Variants in GRIA1 observed in about 807,000 individuals in gnomAD.
The protein encoded by GRIA1 is glutamate ionotropic receptor AMPA type subunit 1.
GRIA1 carries 31 observed loss-of-function variants against 99.2 expected under a neutral mutation model. That is an observed-to-expected ratio of 0.31 (90% confidence interval 0.23 to 0.42). GRIA1 has a LOEUF of 0.42. Among genes scored for constraint, GRIA1 ranks in the 10% least tolerant of loss-of-function variants. The pLI is 1.00. For missense variants in GRIA1, 782 were observed against 1,157.5 expected (o/e 0.68, Z 4.71); for synonymous variants, 438 against 432.4 (o/e 1.01, Z -0.16).
chr5:153,645,365 T>C (rs1443233035), intron 2 of GRIA1, among the ~76,000 whole-genome samples: 1 of 152,176 alleles, frequency 6.6e-6, no homozygotes, highest in Non-Finnish European at 1.5e-5. Flanking sequence ...GCCCATTTTC[T>C]CTAGGGACTA....
At chr5:153,798,422 A>C (rs760986432) in intron 14 of GRIA1, among the ~76,000 whole-genome samples, 2 of 152,228 alleles carry the variant, frequency 1.3e-5, no homozygotes, top group African/African-American at 2.4e-5. Flanking sequence ...TTACAGATTC[A>C]GCATGTGGAG....
rs560918623 is a variant in GRIA1 at position 153,812,408 on chromosome 5, T to A, written c.*1183T>A. The A allele has an allele frequency of 6.6e-6, 1 of 152,336 alleles. No homozygotes were observed. Among genetic ancestry groups the A allele is most frequent in the South Asian group, 2.1e-4 (1 of 4,822 alleles). The allele number at this position is 152,336 out of a possible 1,614,324, so 9.4% of individuals were successfully genotyped here. On this transcript the variant is annotated 3_prime_UTR_variant, in exon 16 of 16. Coordinates refer to ENST00000285900, the MANE Select transcript of GRIA1 (RefSeq NM_000827.4). ...TAGGTTTAAGAAAACACGTATGAAG[T>A]TTATGCTGATGCAAAGAACTTGGGT...
intron 10 of GRIA1, among the ~76,000 whole-genome samples, chr5:153,705,297 C>T (rs1235049699): frequency 1.3e-5 from 2 of 152,156 alleles, no homozygotes; most frequent in Non-Finnish European, 2.9e-5. Context: ...ACCTGGGTCA[C>T]CTGCTTCCCC....
chr5:153,547,821 G>C (rs1759746711), intron 2 of GRIA1, among the ~76,000 whole-genome samples: 1 of 152,154 alleles, frequency 6.6e-6, no homozygotes. Flanking sequence ...CATCCAAAGA[G>C]TGAATCCACT....
intron 10 of GRIA1, 22 bp from the exon 11 acceptor site, chr5:153,705,662 ATTTTTTTTTTTTT>A (rs70978505): frequency 1.8e-4 from 137 of 752,678 alleles, no homozygotes; most frequent in African/African-American, 9.0e-4. Flanking sequence ...GCTCACCTGC[ATTTTTTTTTTTTT>A]TTTTTTTTTT....
chr5:153,717,159 A>G (rs1039580532), intron 11 of GRIA1, among the ~76,000 whole-genome samples: 1 of 152,182 alleles, frequency 6.6e-6, no homozygotes, highest in Non-Finnish European at 1.5e-5. Context: ...CCTGGAACAC[A>G]GGAACTAGGG....
Position 153,510,503 on chromosome 5 carries a change from G to C in GRIA1, c.220+16438G>C, listed in dbSNP as rs574476490. 2.1e-3 allele frequency among the ~76,000 whole-genome samples: 323 copies of C among 152,260 alleles called. 3 individuals carry two copies. The highest frequency in any genetic ancestry group is 7.2e-3 in the African/African-American group (300 of 41,552). On this transcript the variant is annotated intron_variant, in intron 2 of 15. Transcript: ENST00000285900. The stretch of plus-strand genomic sequence containing the variant: ...ATTGCAGATGAGAACAGAAAGGTTG[G>C]GGGTGAAATCGCTGAAAAAGAGTGC...
At chr5:153,786,761 G>A (rs1006322095) in intron 13 of GRIA1, among the ~76,000 whole-genome samples, 1 of 152,180 alleles carries the variant, frequency 6.6e-6, no homozygotes, top group Non-Finnish European at 1.5e-5. Context: ...CAGATTCAAG[G>A]AAAACATGGG....
At chr5:153,647,242 T>A in intron 3 of GRIA1, 75 bp downstream of exon 3, 1 of 1,501,744 alleles carries the variant, frequency 6.7e-7, no homozygotes, top group Non-Finnish European at 9.1e-7. Context: ...GAATGATGCC[T>A]CACTGCTTCC....
rs1172473816 is a variant in GRIA1 at position 153,602,666 on chromosome 5, G to A, written c.221-44262G>A. Among the ~76,000 whole-genome samples the A allele has an allele frequency of 5.3e-5, 8 of 152,134 alleles. No homozygotes were observed. The East Asian group carries it at 1.5e-3, about 29-fold the overall frequency. ...AAAAAGATAAAGTAATTTGCCCAAA[G>A]TCCAGCCATCGTTGCTAGCTAGTTG... On this transcript the variant is annotated intron_variant, in intron 2 of 15. Transcript: ENST00000285900.
chr5:153,597,968 T>C (rs1393999087), intron 2 of GRIA1, among the ~76,000 whole-genome samples: 1 of 152,112 alleles, frequency 6.6e-6, no homozygotes, highest in Non-Finnish European at 1.5e-5. Flanking sequence ...GCCATGTTCA[T>C]GCCACTACAT....
intron 6 of GRIA1, 114 bp from the exon 7 acceptor site, chr5:153,676,880 T>C: frequency 1.4e-6 from 1 of 728,420 alleles, no homozygotes; most frequent in South Asian, 4.4e-5. Flanking sequence ...ACCATGCATC[T>C]GGCCCACTGC....
chr5:153,625,067 C>A (rs994400765), intron 2 of GRIA1, among the ~76,000 whole-genome samples: 2 of 152,118 alleles, frequency 1.3e-5, no homozygotes, highest in Non-Finnish European at 2.9e-5. Context: ...GTGCCGCAGC[C>A]CTGGTTGGCT....
chr5:153,625,599 C>G (rs1767526552), intron 2 of GRIA1, among the ~76,000 whole-genome samples: 1 of 152,190 alleles, frequency 6.6e-6, no homozygotes, highest in Admixed American at 6.5e-5. Context: ...GCAGAGCAGA[C>G]TATGTTGTAT....
chr5:153,692,227 C>T (rs530463927), intron 8 of GRIA1, among the ~76,000 whole-genome samples: 1 of 152,274 alleles, frequency 6.6e-6, no homozygotes, highest in African/African-American at 2.4e-5. Context: ...AAGTCACTCC[C>T]ACTCACCCAG....
chr5:153,766,920 A>G (rs1763555387), intron 12 of GRIA1, among the ~76,000 whole-genome samples: 1 of 152,214 alleles, frequency 6.6e-6, no homozygotes, highest in South Asian at 2.1e-4. Context: ...AGGGCAGTGC[A>G]TATTCTACAA....
intron 8 of GRIA1, among the ~76,000 whole-genome samples, chr5:153,688,873 C>T (rs936613650): frequency 2.0e-5 from 3 of 152,026 alleles, no homozygotes; most frequent in African/African-American, 7.2e-5. Context: ...GTGCCCATCA[C>T]CACACCTGGC....
At chr5:153,617,193 G>A (rs1561694590) in intron 2 of GRIA1, among the ~76,000 whole-genome samples, 1 of 152,168 alleles carries the variant, frequency 6.6e-6, no homozygotes, top group Non-Finnish European at 1.5e-5. Context: ...ATTCCTATGA[G>A]CCAGAGAATC....
At chr5:153,632,037 G>T (rs557086682) in intron 2 of GRIA1, among the ~76,000 whole-genome samples, 1 of 152,274 alleles carries the variant, frequency 6.6e-6, no homozygotes, top group South Asian at 2.1e-4. Flanking sequence ...AAAGGAGTTG[G>T]GACTTTATTC....
Sources: gnomAD v4.1 joint callset for allele counts (sites outside exome capture counted in the v4.1 genomes callset) on GRCh38, gnomAD v4.1.1 for gene constraint, MANE v1.5 for transcripts, NCBI Gene and HGNC (gene_info 2026-07-23, HGNC 2026-07-21) for gene names.